The following CLINT1 variants were observed in gnomAD, a reference collection of about 807,000 sequenced individuals.
CLINT1 encodes clathrin interactor 1, also known as clathrin interacting protein localized in the trans-Golgi region.
In CLINT1, 15 loss-of-function variants were observed where a neutral mutation model predicts 70.4. The ratio of observed to expected loss-of-function variants is 0.21; its 90% CI spans 0.14 to 0.33. The LOEUF is 0.33. Ranked by LOEUF, CLINT1 falls within the 10% of genes least tolerant of loss-of-function variation. The probability of loss-of-function intolerance (pLI) is 1.00; values close to 1 mark genes in which losing one functional copy is unlikely to be tolerated. For missense variants in CLINT1, 615 were observed against 778.1 expected, an observed-to-expected ratio of 0.79 and a Z score of 2.49; for synonymous variants, 227 against 254.7, an observed-to-expected ratio of 0.89 and a Z score of 1.04.
chr5:157,797,606 G>C (rs1010203094), intron 8 of CLINT1, among the ~76,000 whole-genome samples: 4 of 151,908 alleles, frequency 2.6e-5, no homozygotes, highest in Non-Finnish European at 5.9e-5. Flanking sequence ...GGCTGGTCTC[G>C]AACTCCCGAC....
At chr5:157,839,568 T>C (rs1217963273) in intron 1 of CLINT1, among the ~76,000 whole-genome samples, 5 of 150,774 alleles carry the variant, frequency 3.3e-5, no homozygotes, top group African/African-American at 1.2e-4. Context: ...TGCACTGCAC[T>C]CCAGCCCGGG....
chr5:157,819,482 G>C (rs986869385), intron 1 of CLINT1, among the ~76,000 whole-genome samples: 2 of 151,840 alleles, frequency 1.3e-5, no homozygotes, highest in Non-Finnish European at 2.9e-5. Flanking sequence ...TGCTTCTATT[G>C]CAACAGTTTT....
chr5:157,830,757 C>CCTCTCTCTCTCTCTCT (rs373819711), intron 1 of CLINT1, among the ~76,000 whole-genome samples: 2 of 87,408 alleles, frequency 2.3e-5, no homozygotes, highest in African/African-American at 4.7e-5. Flanking sequence ...CCTCTCTCTC[C>CCTCTCTCTCTCTCTCT]CTCTCTCTCT....
At position 157,817,357 on chromosome 5, in the gene CLINT1, T is replaced by G; in HGVS notation, c.146+86A>C. 3.7e-6 allele frequency: 3 copies of G among 819,094 alleles called. No individual in the cohort carries two copies. The South Asian group carries it at 4.9e-5, about 13-fold the overall frequency. 50.7% of individuals were successfully genotyped at this position (819,094 alleles called of 1,614,324 possible). On this transcript the variant is annotated intron_variant, in intron 2 of 11. Transcript: ENST00000411809. ...CAAAATTTATATTTTGGCAGCCAAA[T>G]AGTTTAAATCTGAAAGCAAATTTCA... is the stretch of plus-strand genomic sequence containing the variant.
chr5:157,794,240 ATAAAGT>A (rs1172285463), intron 9 of CLINT1, among the ~76,000 whole-genome samples: 1 of 152,168 alleles, frequency 6.6e-6, no homozygotes, highest in African/African-American at 2.4e-5. Flanking sequence ...GAAGGCTTTC[ATAAAGT>A]TAAACAGCTA....
intron 1 of CLINT1, among the ~76,000 whole-genome samples, chr5:157,851,861 A>G (rs185899754): frequency 5.6e-4 from 86 of 152,310 alleles, no homozygotes; most frequent in Non-Finnish European, 9.3e-4. Context: ...TGGCTCAAAC[A>G]TAGGAATATA....
chr5:157,791,528 G>A (rs1322874074), intron 10 of CLINT1, 175 bp downstream of exon 10: 7 of 625,512 alleles, frequency 1.1e-5, no homozygotes, highest in Non-Finnish European at 5.5e-6. Flanking sequence ...CTATGCTAGG[G>A]GAGAGTATGA....
At chr5:157,826,774 G>T (rs556484335) in intron 1 of CLINT1, among the ~76,000 whole-genome samples, 2 of 152,076 alleles carry the variant, frequency 1.3e-5, no homozygotes, top group East Asian at 3.9e-4. Context: ...GAAATGTAAC[G>T]CAAGAAATTT....
chr5:157,854,705 G>A (rs900432735), intron 1 of CLINT1, among the ~76,000 whole-genome samples: 11 of 152,108 alleles, frequency 7.2e-5, no homozygotes, highest in Non-Finnish European at 1.5e-4. Context: ...AAACATTTAG[G>A]AACTAAAACC....
intron 1 of CLINT1, among the ~76,000 whole-genome samples, chr5:157,830,749 T>TCC (rs1763199303): frequency 1.2e-4 from 13 of 109,790 alleles, no homozygotes; most frequent in South Asian, 3.1e-4. Flanking sequence ...TGCCCCTCCC[T>TCC]CTCTCTCCCT....
At chr5:157,808,857 T>TA (rs145534818) in intron 6 of CLINT1, among the ~76,000 whole-genome samples, 2,708 of 152,218 alleles carry the variant, frequency 0.018, 33 homozygotes, top group Non-Finnish European at 0.027. Flanking sequence ...TATGTTTAAT[T>TA]AAACTTAATA....
intron 10 of CLINT1, 55 bp from the exon 11 acceptor site, chr5:157,789,568 C>G (rs765969897): frequency 6.2e-7 from 1 of 1,611,692 alleles, no homozygotes; most frequent in Admixed American, 1.7e-5. Flanking sequence ...TTTGCAAAGG[C>G]TGGAAAATAG....
chr5:157,820,071 T>C (rs537591763), intron 1 of CLINT1, among the ~76,000 whole-genome samples: 3 of 152,312 alleles, frequency 2.0e-5, no homozygotes, highest in South Asian at 4.1e-4. Flanking sequence ...AATATAGTTA[T>C]TAAGTATATC....
chr5:157,792,760 A>G (rs1761956668), intron 9 of CLINT1, among the ~76,000 whole-genome samples: 1 of 152,218 alleles, frequency 6.6e-6, no homozygotes, highest in African/African-American at 2.4e-5. Flanking sequence ...CATAAAATCC[A>G]TACTCTTAAT....
rs1012819702 is a variant in CLINT1, at chr5:157,858,985, G to A, written c.-15C>T. The stretch of plus-strand genomic sequence containing the variant: ...ATGTTCAACATCGTGCCCCGCGCGG[G>A]ACGGTCCGCCGCCTCCCTCTCCTGC... On this transcript the variant is annotated 5_prime_UTR_variant, in exon 1 of 12. Transcript: ENST00000411809. The A allele has an allele frequency of 1.2e-6, 2 of 1,610,270 alleles. No homozygotes were observed. Among genetic ancestry groups the A allele is most frequent in the African/African-American group, 2.7e-5 (2 of 74,564 alleles).
chr5:157,837,372 C>T (rs1408880953), intron 1 of CLINT1, among the ~76,000 whole-genome samples: 1 of 151,578 alleles, frequency 6.6e-6, no homozygotes, highest in Non-Finnish European at 1.5e-5. Context: ...GAGACCCTGT[C>T]CAAAGAAGGC....
chr5:157,847,222 A>C (rs188565559), intron 1 of CLINT1, among the ~76,000 whole-genome samples: 150 of 152,314 alleles, frequency 9.8e-4, no homozygotes, highest in Non-Finnish European at 1.1e-3. Context: ...TAAGAATATT[A>C]GTGGCTGGGC....
At chr5:157,809,502 A>AG (rs1762481587) in intron 6 of CLINT1, 126 bp downstream of exon 6, 1 of 695,050 alleles carries the variant, frequency 1.4e-6, no homozygotes, top group East Asian at 3.2e-5. Context: ...TCTATTAAAA[A>AG]AAAAAAAAAA....
intron 1 of CLINT1, among the ~76,000 whole-genome samples, chr5:157,827,980 C>T (rs1445224469): frequency 6.6e-6 from 1 of 152,102 alleles, no homozygotes; most frequent in Non-Finnish European, 1.5e-5. Flanking sequence ...ACTACCTGAT[C>T]CCTGGACACA....
Sources: gnomAD v4.1 joint callset for allele counts (sites outside exome capture counted in the v4.1 genomes callset) on GRCh38, gnomAD v4.1.1 for gene constraint, MANE v1.5 for transcripts, NCBI Gene and HGNC (gene_info 2026-07-23, HGNC 2026-07-21) for gene names.